The following SPATA17 variants were observed in gnomAD, a reference collection of about 807,000 sequenced individuals.
The protein encoded by SPATA17 is spermatogenesis associated 17.
Under a neutral mutation model 62.2 loss-of-function variants are expected in SPATA17, and 53 were observed. That is an observed-to-expected ratio of 0.85 (90% confidence interval 0.68 to 1.07). The LOEUF (loss-of-function observed/expected upper bound fraction) is 1.07. Ranked by LOEUF, SPATA17 falls within the 50% of genes least tolerant of loss-of-function variation. SPATA17 has a pLI of 0.00. For missense variants in SPATA17, 466 were observed against 425.5 expected (o/e 1.10, Z -0.84); for synonymous variants, 146 against 146.8 (o/e 0.99, Z 0.04).
At chr1:217,790,377 C>A (rs542229777) in intron 8 of SPATA17, among the ~76,000 whole-genome samples, 1 of 152,292 alleles carries the variant, frequency 6.6e-6, no homozygotes, top group East Asian at 1.9e-4. Flanking sequence ...TGTCCACAGA[C>A]CCCTAAAAAA....
intron 5 of SPATA17, among the ~76,000 whole-genome samples, chr1:217,733,807 TA>T (rs1672449308): frequency 6.6e-6 from 1 of 152,238 alleles, no homozygotes; most frequent in African/African-American, 2.4e-5. Context: ...TGAATGTTTT[TA>T]AAATGTTAAA....
chr1:217,828,096 G>A (rs1415533503), intron 9 of SPATA17, among the ~76,000 whole-genome samples: 1 of 151,894 alleles, frequency 6.6e-6, no homozygotes, highest in Non-Finnish European at 1.5e-5. Flanking sequence ...AATTTGTATG[G>A]AACCACAAAA....
intron 9 of SPATA17, among the ~76,000 whole-genome samples, chr1:217,827,254 T>C (rs545478955): frequency 3.9e-5 from 6 of 152,140 alleles, no homozygotes; most frequent in Non-Finnish European, 4.4e-5. Flanking sequence ...AAAACATTAA[T>C]GGAAGAAATT....
chr1:217,656,045 G>A (rs12142169), intron 3 of SPATA17, among the ~76,000 whole-genome samples: 29,212 of 151,268 alleles, frequency 0.19, 3,102 homozygotes, highest in African/African-American at 0.28. Flanking sequence ...CCCCACGCCC[G>A]GCTAGTTTTT....
chr1:217,777,025 A>C (rs962694608), intron 7 of SPATA17, among the ~76,000 whole-genome samples: 1 of 151,126 alleles, frequency 6.6e-6, no homozygotes, highest in Non-Finnish European at 1.5e-5. Flanking sequence ...AGACTACCCG[A>C]CGGTGTGGAT....
chr1:217,754,245 A>G (rs1408771691), intron 6 of SPATA17, among the ~76,000 whole-genome samples: 1 of 152,166 alleles, frequency 6.6e-6, no homozygotes, highest in Non-Finnish European at 1.5e-5. Flanking sequence ...AAAACAAACA[A>G]ACAAAAAACC....
intron 9 of SPATA17, among the ~76,000 whole-genome samples, chr1:217,815,795 C>T (rs977713010): frequency 2.6e-5 from 4 of 152,152 alleles, no homozygotes; most frequent in African/African-American, 4.8e-5. Context: ...TTTGTGTTTT[C>T]GGTTTACTGG....
intron 4 of SPATA17, among the ~76,000 whole-genome samples, chr1:217,675,650 C>T (rs951629794): frequency 6.6e-6 from 1 of 152,136 alleles, no homozygotes; most frequent in Admixed American, 6.5e-5. Context: ...AATTGTATAG[C>T]AGTTACTACT....
chr1:217,745,500 T>A (rs998001518), intron 6 of SPATA17, among the ~76,000 whole-genome samples: 2 of 152,166 alleles, frequency 1.3e-5, no homozygotes, highest in African/African-American at 4.8e-5. Flanking sequence ...TTAATCAGTA[T>A]TTTTCATCAT....
intron 9 of SPATA17, among the ~76,000 whole-genome samples, chr1:217,835,391 CA>C (rs1675237388): frequency 6.6e-6 from 1 of 152,108 alleles, no homozygotes; most frequent in Admixed American, 6.6e-5. Context: ...TAGAAATTAA[CA>C]AATTTTCATT....
intron 5 of SPATA17, among the ~76,000 whole-genome samples, chr1:217,728,940 C>G (rs991976667): frequency 2.6e-5 from 4 of 152,152 alleles, no homozygotes; most frequent in Non-Finnish European, 4.4e-5. Context: ...CACAAGATCT[C>G]TTAATGAAGT....
At chr1:217,705,334 TTC>T (rs758232322) in intron 5 of SPATA17, among the ~76,000 whole-genome samples, 6,673 of 151,996 alleles carry the variant, frequency 0.044, 219 homozygotes, top group Middle Eastern at 0.1. Flanking sequence ...ATGCAAATAT[TTC>T]CTCCTATTCT....
intron 9 of SPATA17, among the ~76,000 whole-genome samples, chr1:217,814,535 G>A (rs1674668324): frequency 6.6e-6 from 1 of 152,084 alleles, no homozygotes; most frequent in South Asian, 2.1e-4. Flanking sequence ...TGAACTTTAT[G>A]AAAAGTTTCT....
intron 6 of SPATA17, among the ~76,000 whole-genome samples, chr1:217,768,958 G>C (rs1242826393): frequency 6.6e-6 from 1 of 151,908 alleles, no homozygotes; most frequent in African/African-American, 2.4e-5. Flanking sequence ...TTCCACCCCC[G>C]CCACTGAGAA....
chr1:217,693,082 G>A (rs1438597754), intron 5 of SPATA17, among the ~76,000 whole-genome samples: 2 of 133,358 alleles, frequency 1.5e-5, no homozygotes, highest in Non-Finnish European at 3.2e-5. Context: ...GTTCCTCCTT[G>A]TACCTCTGGT....
At chr1:217,714,299 G>T (rs561405503) in intron 5 of SPATA17, among the ~76,000 whole-genome samples, 198 of 151,898 alleles carry the variant, frequency 1.3e-3, no homozygotes, top group Non-Finnish European at 2.0e-3. Context: ...TGATGCAGGA[G>T]AATGTCTTGA....
At chr1:217,803,601 G>C (rs1571815811) in intron 9 of SPATA17, among the ~76,000 whole-genome samples, 1 of 152,228 alleles carries the variant, frequency 6.6e-6, no homozygotes, top group East Asian at 1.9e-4. Flanking sequence ...TAAATGGAAA[G>C]GTATTCTGTG....
intron 5 of SPATA17, among the ~76,000 whole-genome samples, chr1:217,697,142 G>A (rs1180184690): frequency 6.6e-6 from 1 of 152,182 alleles, no homozygotes; most frequent in African/African-American, 2.4e-5. Flanking sequence ...CTGCGTAGCT[G>A]GGACCACAGG....
rs1571774512 is a variant in SPATA17, at chr1:217,744,263, C to A, written c.519+2165C>A. ...GGATCACGAGGTCAAGAGATCGAGA[C>A]CATCCCGGCTAAAACGGTGAAACCC... is the stretch of plus-strand genomic sequence containing the variant. On this transcript the variant is annotated intron_variant, in intron 6 of 10. Coordinates refer to ENST00000366933, the MANE Select transcript of SPATA17 (RefSeq NM_138796.4). Among the ~76,000 whole-genome samples the A allele has an allele frequency of 4.1e-4, 20 of 49,382 alleles. 4 individuals are homozygous for A. In the South Asian group the frequency reaches 9.1e-3, roughly 23 times the overall value. The allele number at this position is 49,382 out of a possible 152,430, so 32.4% of individuals were successfully genotyped here.
Sources: allele counts gnomAD v4.1 joint callset (sites outside exome capture counted in the v4.1 genomes callset), GRCh38; gene constraint gnomAD v4.1.1; transcripts MANE v1.5; gene names NCBI Gene and HGNC (gene_info 2026-07-23, HGNC 2026-07-21).